ANKFN1: variants seen among roughly 807,000 people sequenced by gnomAD.
ANKFN1 encodes the protein ankyrin repeat and fibronectin type III domain containing 1, also known as ankyrin repeat and fibronectin type-III domain-containing protein 1.
ANKFN1 carries 74 observed loss-of-function variants against 108.7 expected under a neutral mutation model. The ratio of observed to expected loss-of-function variants is 0.68; its 90% CI spans 0.56 to 0.83. The LOEUF (loss-of-function observed/expected upper bound fraction) is 0.83. ANKFN1 is among the 40% of genes least tolerant of loss of function. ANKFN1 has a pLI of 0.00. For missense variants in ANKFN1, 1,505 were observed against 1,382.3 expected (o/e 1.09, Z -1.41); for synonymous variants, 547 against 516.2 (o/e 1.06, Z -0.81).
At chr17:56,216,347 C>T (rs8077823) in intron 2 of ANKFN1, among the ~76,000 whole-genome samples, 5,517 of 152,200 alleles carry the variant, frequency 0.036, 340 homozygotes, top group African/African-American at 0.12. Context: ...CAGTAGCCTA[C>T]GAGACATGAA....
intron 1 of ANKFN1, among the ~76,000 whole-genome samples, chr17:56,173,965 C>A (rs547142596): frequency 3.5e-4 from 54 of 152,354 alleles, no homozygotes; most frequent in African/African-American, 1.2e-3. Flanking sequence ...CCTGAGTATT[C>A]CTTCCTCATC....
At position 56,516,377 on chromosome 17, in the gene ANKFN1, A is replaced by G. The variant is rs912728245; in HGVS notation, c.*5108A>G. ...TTTAATTGCTTCCTTCCTAATGTGT[A>G]CATAGCAATCTGGCTGATTATTGGT... On this transcript the variant is annotated 3_prime_UTR_variant, in exon 21 of 21. Coordinates refer to ENST00000682825, the MANE Select transcript of ANKFN1 (RefSeq NM_001370326.1). 2.0e-5 allele frequency among the ~76,000 whole-genome samples: 3 copies of G among 152,156 alleles called. No individual in the cohort carries two copies. Among genetic ancestry groups the G allele is most frequent in the African/African-American group, 4.8e-5 (2 of 41,428 alleles).
At chr17:56,337,983 T>C (rs2045860888) in intron 4 of ANKFN1, among the ~76,000 whole-genome samples, 1 of 152,082 alleles carries the variant, frequency 6.6e-6, no homozygotes, top group South Asian at 2.1e-4. Context: ...TAAATCATGC[T>C]ATATAAAGGC....
At chr17:56,220,704 GAAAGGGAAAGGGAAACGGA>G (rs1312903924) in intron 2 of ANKFN1, among the ~76,000 whole-genome samples, 1 of 148,050 alleles carries the variant, frequency 6.8e-6, no homozygotes, top group African/African-American at 2.5e-5. Flanking sequence ...AAAGGAAAGG[GAAAGGGAAAGGGAAACGGA>G]AAAGGAAAAG....
chr17:56,388,821 T>C (rs1027446025), intron 8 of ANKFN1, among the ~76,000 whole-genome samples: 1 of 152,134 alleles, frequency 6.6e-6, no homozygotes. Flanking sequence ...CTCACTAGGG[T>C]TGCCATTAGG....
chr17:56,473,772 A>C (rs1434607847), intron 15 of ANKFN1: 1 of 152,170 alleles, frequency 6.6e-6, no homozygotes, highest in Non-Finnish European at 1.5e-5. Flanking sequence ...GGAAAAAATG[A>C]CTACATAAAG....
intron 1 of ANKFN1, among the ~76,000 whole-genome samples, chr17:56,194,326 A>G (rs1449885224): frequency 6.6e-6 from 1 of 152,230 alleles, no homozygotes. Context: ...TTTTTATAGC[A>G]GCTTTATTTA....
intron 3 of ANKFN1, among the ~76,000 whole-genome samples, chr17:56,292,732 A>G (rs1366383195): frequency 1.3e-5 from 2 of 152,198 alleles, no homozygotes; most frequent in African/African-American, 4.8e-5. Context: ...TTAGGGGGAA[A>G]AAAAAACCAC....
In ANKFN1 at chr17:56,204,813, C is replaced by T. The variant is rs1914382115; in HGVS notation, c.-70-7785C>T. On this transcript the variant is annotated intron_variant, in intron 1 of 20. Coordinates refer to ENST00000682825, the MANE Select transcript of ANKFN1 (RefSeq NM_001370326.1). ...TGTACTGGCTGGGCGCGGTGGCTCA[C>T]GCCCGTAATCCCAGCACTTTGTGAG... Among the ~76,000 whole-genome samples, 6 of 152,220 alleles carry T rather than the reference C, an allele frequency of 3.9e-5. No individual in the cohort carries two copies. The South Asian group carries it at 1.0e-3, about 26-fold the overall frequency.
chr17:56,406,450 T>G (rs1294258016), intron 8 of ANKFN1, among the ~76,000 whole-genome samples: 1 of 152,110 alleles, frequency 6.6e-6, no homozygotes, highest in East Asian at 1.9e-4. Context: ...CTGAATTAAA[T>G]AATAAATTTC....
At chr17:56,390,511 G>C (rs781450798) in intron 8 of ANKFN1, among the ~76,000 whole-genome samples, 10 of 152,118 alleles carry the variant, frequency 6.6e-5, no homozygotes, top group Admixed American at 5.9e-4. Flanking sequence ...AAACATACTT[G>C]TGCATGTGTC....
At chr17:56,457,205 A>T in intron 12 of ANKFN1, 52 bp from the exon 13 acceptor site, 5 of 1,490,044 alleles carry the variant, frequency 3.4e-6, no homozygotes, top group Non-Finnish European at 4.5e-6. Flanking sequence ...CCAAAAAAAT[A>T]TTTTTCCAAG....
At chr17:56,082,130 G>T (rs1332280649) in intron 4 of ANKFN1, among the ~76,000 whole-genome samples, 1 of 152,112 alleles carries the variant, frequency 6.6e-6, no homozygotes, top group Non-Finnish European at 1.5e-5. Context: ...GTTCATGTCT[G>T]ACTAGCTACC....
At chr17:56,127,630 A>C (rs1239439463) in intron 4 of ANKFN1, among the ~76,000 whole-genome samples, 1 of 152,160 alleles carries the variant, frequency 6.6e-6, no homozygotes, top group Non-Finnish European at 1.5e-5. Flanking sequence ...AGCTTTTTCT[A>C]TCAGACAAAA....
In ANKFN1 at chr17:56,113,092, A is replaced by G. The variant is rs569069408; in HGVS notation, c.288+66767A>G. On this transcript the variant is annotated intron_variant, in intron 4 of 12. Transcript: ENST00000635860. ...CCTTATGAAAGTGCTCTGCTAATTT[A>G]CACTGTGTGATGGTGTGTGTGATGG... 2.2e-4 allele frequency among the ~76,000 whole-genome samples: 33 copies of G among 152,290 alleles called. 1 individual carries two copies. The highest frequency in any genetic ancestry group is 7.9e-4 in the African/African-American group (33 of 41,564).
chr17:56,308,374 A>G (rs2044906051), intron 3 of ANKFN1, among the ~76,000 whole-genome samples: 1 of 152,164 alleles, frequency 6.6e-6, no homozygotes, highest in Admixed American at 6.5e-5. Context: ...ATACATAAAT[A>G]CAATTGATTT....
chr17:56,153,834 T>A (rs1344146686), intron 1 of ANKFN1, among the ~76,000 whole-genome samples: 2 of 152,194 alleles, frequency 1.3e-5, no homozygotes, highest in African/African-American at 4.8e-5. Flanking sequence ...TTTATCCTTA[T>A]CATTTTATTT....
intron 8 of ANKFN1, among the ~76,000 whole-genome samples, chr17:56,432,194 G>A (rs1274770787): frequency 6.6e-6 from 1 of 152,034 alleles, no homozygotes; most frequent in Non-Finnish European, 1.5e-5. Flanking sequence ...CTTTTTTCAT[G>A]AACAAAAATT....
rs370785767 is a variant in ANKFN1 at position 56,054,982 on chromosome 17, T to A, written c.288+8657T>A. Among the ~76,000 whole-genome samples the A allele has an allele frequency of 9.9e-5, 15 of 152,048 alleles. No individual in the cohort carries two copies. In the East Asian group the frequency reaches 1.4e-3, roughly 14 times the overall value. On this transcript the variant is annotated intron_variant, in intron 4 of 12. Transcript: ENST00000635860. ...CTGAGCCTTCAGGGAGTCATAACAT[T>A]TTTGTTCATCGTTGATGGCTGCTGA... is the stretch of plus-strand genomic sequence containing the variant.
Sources: gnomAD v4.1 joint callset for allele counts (sites outside exome capture counted in the v4.1 genomes callset) on GRCh38, gnomAD v4.1.1 for gene constraint, MANE v1.5 for transcripts, NCBI Gene and HGNC (gene_info 2026-07-23, HGNC 2026-07-21) for gene names.